ATP2B4: variants seen among roughly 807,000 people sequenced by gnomAD.
ATP2B4 encodes plasma membrane calcium-transporting ATPase 4.
Under a neutral mutation model 110.3 loss-of-function variants are expected in ATP2B4, and 39 were observed. The ratio of observed to expected loss-of-function variants is 0.35; its 90% CI spans 0.27 to 0.46. The LOEUF (loss-of-function observed/expected upper bound fraction) is 0.46. Ranked by LOEUF, ATP2B4 falls within the 20% of genes least tolerant of loss-of-function variation. The pLI, the probability that ATP2B4 is intolerant of heterozygous loss-of-function variation, is 1.00. For missense variants in ATP2B4, 1,135 were observed against 1,530.9 expected (o/e 0.74, Z 4.32); for synonymous variants, 538 against 571.7 (o/e 0.94, Z 0.84).
At chr1:203,699,829 A>G in intron 4 of ATP2B4, 112 bp downstream of exon 4, 4 of 1,501,354 alleles carry the variant, frequency 2.7e-6, no homozygotes, top group Non-Finnish European at 3.6e-6. Flanking sequence ...ATAAGATCCA[A>G]AATTGTATTC....
intron 1 of ATP2B4, among the ~76,000 whole-genome samples, chr1:203,664,988 C>T (rs370530464): frequency 3.9e-5 from 6 of 152,116 alleles, no homozygotes; most frequent in Admixed American, 6.5e-5. Context: ...CCTGCCACCG[C>T]GCCTGGCTAA....
intron 1 of ATP2B4, among the ~76,000 whole-genome samples, chr1:203,680,277 T>G (rs966049410): frequency 3.3e-5 from 5 of 152,124 alleles, no homozygotes; most frequent in Non-Finnish European, 5.9e-5. Flanking sequence ...CTTATTGTTC[T>G]TCTTCTACTT....
chr1:203,735,002 CAAAAA>C (rs35552196), intron 20 of ATP2B4, among the ~76,000 whole-genome samples: 2 of 57,132 alleles, frequency 3.5e-5, no homozygotes, highest in African/African-American at 1.5e-4. Context: ...GACTCCATCT[CAAAAA>C]AAAAAAAAAA....
intron 12 of ATP2B4, 72 bp from the exon 13 acceptor site, chr1:203,711,888 C>T (rs1666018668): frequency 2.0e-6 from 3 of 1,533,786 alleles, no homozygotes; most frequent in Non-Finnish European, 2.7e-6. Context: ...CACAAAGGGA[C>T]AGACAAACAG....
At chr1:203,663,577 T>G (rs1317241678) in intron 1 of ATP2B4, among the ~76,000 whole-genome samples, 1 of 151,804 alleles carries the variant, frequency 6.6e-6, no homozygotes, top group East Asian at 1.9e-4. Context: ...CCTAGAATTA[T>G]CCCACTATTT....
At chr1:203,702,129 C>A in intron 7 of ATP2B4, 50 bp downstream of exon 7, 1 of 1,595,882 alleles carries the variant, frequency 6.3e-7, no homozygotes, top group Non-Finnish European at 8.6e-7. Context: ...CACACTCAAA[C>A]CAGACCTTTC....
intron 1 of ATP2B4, among the ~76,000 whole-genome samples, chr1:203,674,661 T>G (rs1406932168): frequency 7.9e-5 from 10 of 126,936 alleles, no homozygotes; most frequent in Non-Finnish European, 1.7e-4. Flanking sequence ...TTTTTTTTTT[T>G]TTTTTTTTTT....
At chr1:203,705,697 G>T (rs116869981) in intron 8 of ATP2B4, among the ~76,000 whole-genome samples, 1 of 152,192 alleles carries the variant, frequency 6.6e-6, no homozygotes. Flanking sequence ...GATTATAGGC[G>T]TGAGCCACTG....
intron 2 of ATP2B4, among the ~76,000 whole-genome samples, chr1:203,694,740 A>T (rs1207928650): frequency 6.6e-6 from 1 of 152,174 alleles, no homozygotes; most frequent in African/African-American, 2.4e-5. Context: ...CTTAAAAAAG[A>T]TCATTCTGGC....
chr1:203,728,630 G>A (rs1666594478), intron 20 of ATP2B4, among the ~76,000 whole-genome samples: 1 of 152,110 alleles, frequency 6.6e-6, no homozygotes, highest in Non-Finnish European at 1.5e-5. Context: ...GGCCAAGGTG[G>A]GTGGATCACC....
intron 20 of ATP2B4, among the ~76,000 whole-genome samples, chr1:203,731,010 G>A (rs1173289944): frequency 2.0e-5 from 3 of 152,192 alleles, no homozygotes; most frequent in Non-Finnish European, 4.4e-5. Context: ...TCATCGCAGT[G>A]CTTTGGTATG....
intron 1 of ATP2B4, among the ~76,000 whole-genome samples, chr1:203,628,155 G>T (rs1663145403): frequency 6.6e-6 from 1 of 152,202 alleles, no homozygotes. Flanking sequence ...CCACTGCCTT[G>T]GCTTGCTGAA....
At chr1:203,731,288 G>A (rs1052880933) in intron 20 of ATP2B4, among the ~76,000 whole-genome samples, 3 of 152,168 alleles carry the variant, frequency 2.0e-5, no homozygotes, top group Non-Finnish European at 2.9e-5. Flanking sequence ...GGCTTCTCAG[G>A]AAGCTTTATA....
rs1284935924 is a variant in ATP2B4 at position 203,717,403 on chromosome 1, G to A, written c.2406+3126G>A. Among the ~76,000 whole-genome samples, 8 of 152,018 alleles carry A rather than the reference G, an allele frequency of 5.3e-5. No homozygotes were observed. In the East Asian group the frequency reaches 1.5e-3, roughly 29 times the overall value. ...ATTCATAGATTTAAGTATATTTGATGTGTTTCAATCCACTGCTCTTAGTAT... is the reference window on the plus strand; with the variant it reads ...ATTCATAGATTTAAGTATATTTGATATGTTTCAATCCACTGCTCTTAGTAT... On this transcript the variant is annotated intron_variant, in intron 15 of 20. Coordinates refer to ENST00000357681, the MANE Select transcript of ATP2B4 (RefSeq NM_001684.5).
intron 2 of ATP2B4, among the ~76,000 whole-genome samples, chr1:203,686,685 C>CTTTCTTTTTTTTTTT (rs1665193795): frequency 7.0e-5 from 3 of 42,776 alleles, no homozygotes; most frequent in Admixed American, 4.7e-4. Context: ...TCTTTTCTTT[C>CTTTCTTTTTTTTTTT]TTTTTTTTTT....
intron 1 of ATP2B4, among the ~76,000 whole-genome samples, chr1:203,680,780 T>C (rs1664990465): frequency 6.6e-6 from 1 of 152,118 alleles, no homozygotes; most frequent in Non-Finnish European, 1.5e-5. Context: ...TCTACCCAAC[T>C]AAAGGTGGAA....
At position 203,720,550 on chromosome 1, in the gene ATP2B4, G is replaced by A. The variant is rs375309398; in HGVS notation, c.2408G>A (p.Gly803Asp). The A allele has an allele frequency of 6.2e-7, 1 of 1,600,520 alleles. No homozygotes were observed. Among genetic ancestry groups the A allele is most frequent in the Non-Finnish European group, 8.5e-7 (1 of 1,172,652 alleles). Residue 803 changes from glycine (G) to aspartate (D), a missense_variant and splice_region_variant, in exon 16 of 21, where the codon GGC (glycine) becomes GAC (aspartate). Gly to Asp is a moderately conservative substitution (Grantham distance 94, BLOSUM62 -1). Transcript: ENST00000357681. Reference sequence around the variant, plus strand: ...GTTTTCCCTCCCATCTTACCTCAGGGCATCGCAGGCACAGATGTAGCAAAG... The same window carrying A: ...GTTTTCCCTCCCATCTTACCTCAGGACATCGCAGGCACAGATGTAGCAAAG... ...LKKADVGFAM[G>D]IAGTDVAKEA...
chr1:203,653,166 T>C (rs1664049210), intron 1 of ATP2B4, among the ~76,000 whole-genome samples: 1 of 152,246 alleles, frequency 6.6e-6, no homozygotes, highest in South Asian at 2.1e-4. Flanking sequence ...TCAAGTGGTC[T>C]GATTAGAAGA....
Position 203,703,786 on chromosome 1 carries a change from C to T in ATP2B4, c.1072C>T (p.Arg358Cys). 5 of 1,614,044 alleles carry T rather than the reference C, an allele frequency of 3.1e-6. No homozygotes were observed. The highest frequency in any genetic ancestry group is 3.3e-5 in the Admixed American group (2 of 60,010). The change falls in exon 8 of 21, where the codon CGC (arginine) becomes TGC (cysteine). Residue 358 changes from arginine to cysteine, a missense_variant. Arg to Cys is a radical substitution (Grantham distance 180). This residue lies in a region of ATP2B4 where 162 missense variants were observed against 210.5 expected (regional missense o/e 0.77). Coordinates refer to ENST00000357681, the MANE Select transcript of ATP2B4 (RefSeq NM_001684.5). ...EKSVLQGKLT[R>C]LAVQIGKAGL... ...GTCAGTGCTGCAGGGCAAGCTGACT[C>T]GCCTGGCTGTTCAGATTGGGAAAGC...
Sources: allele counts gnomAD v4.1 joint callset (sites outside exome capture counted in the v4.1 genomes callset), GRCh38; gene constraint gnomAD v4.1.1; regional missense constraint gnomAD v4.1.1; transcripts MANE v1.5; gene names NCBI Gene and HGNC (gene_info 2026-07-23, HGNC 2026-07-21).